The following MYZAP variants were observed in gnomAD, a reference collection of about 807,000 sequenced individuals.
MYZAP encodes the protein myocardial zonula adherens protein, also known as GRINL1A complex locus upstream.
Under a neutral mutation model 69.4 loss-of-function variants are expected in MYZAP, and 66 were observed. The ratio of observed to expected loss-of-function variants is 0.95; its 90% confidence interval spans 0.78 to 1.17. The LOEUF (loss-of-function observed/expected upper bound fraction) is 1.17, where lower values mean the gene tolerates loss of function less well. Ranked by LOEUF, MYZAP falls within the 50% of genes most tolerant of loss-of-function variation. The pLI is 0.00. For synonymous variants in MYZAP, 256 were observed against 205.9 expected (o/e 1.24, Z -2.09); for missense variants, 611 against 556.2 (o/e 1.10, Z -0.99).
At chr15:57,593,214 A>ACACACACACACACCCCCCCC (rs1172761785) in intron 1 of MYZAP, among the ~76,000 whole-genome samples, 6 of 141,346 alleles carry the variant, frequency 4.2e-5, no homozygotes, top group African/African-American at 1.7e-4. Flanking sequence ...ACACACACAC[A>ACACACACACACACCCCCCCC]CCCCAGAATC....
intron 10 of MYZAP, chr15:57,647,706 C>T: frequency 2.0e-6 from 2 of 985,360 alleles, no homozygotes; most frequent in Non-Finnish European, 2.4e-6. Context: ...GAGAGTGCCT[C>T]CTAAGTGGAT....
intron 2 of MYZAP, among the ~76,000 whole-genome samples, chr15:57,605,099 C>T (rs1249934804): frequency 1.3e-5 from 2 of 152,126 alleles, no homozygotes; most frequent in African/African-American, 2.4e-5. Context: ...CTGGCCGACC[C>T]ATTTTACTCA....
chr15:57,639,349 C>T (rs1448943389), intron 9 of MYZAP, 91 bp from the exon 10 acceptor site: 2 of 1,392,552 alleles, frequency 1.4e-6, no homozygotes, highest in Non-Finnish European at 2.0e-6. Flanking sequence ...GCTTGGCGCT[C>T]TTGGCAATAT....
chr15:57,641,481 A>G (rs188842266), intron 10 of MYZAP, among the ~76,000 whole-genome samples: 1 of 152,138 alleles, frequency 6.6e-6, no homozygotes, highest in Non-Finnish European at 1.5e-5. Flanking sequence ...GCTTTTTTCT[A>G]CCTGTGATTT....
chr15:57,617,701 T>C (rs1206835301), intron 2 of MYZAP, among the ~76,000 whole-genome samples: 2 of 152,206 alleles, frequency 1.3e-5, no homozygotes, highest in African/African-American at 4.8e-5. Context: ...GACAGCATTA[T>C]TAAGAGCATG....
At chr15:57,661,632 C>G in intron 11 of MYZAP, 99 bp downstream of exon 11, 2 of 1,070,254 alleles carry the variant, frequency 1.9e-6, no homozygotes, top group East Asian at 2.8e-5. Flanking sequence ...TGGCTATTTC[C>G]CGGCCTTATA....
chr15:57,607,151 G>A (rs2034805333), intron 2 of MYZAP, among the ~76,000 whole-genome samples: 1 of 152,220 alleles, frequency 6.6e-6, no homozygotes. Context: ...TGGAGTGAGG[G>A]ACAGGACAAG....
intron 2 of MYZAP, among the ~76,000 whole-genome samples, chr15:57,616,682 A>G (rs950100828): frequency 5.1e-4 from 77 of 151,614 alleles, no homozygotes; most frequent in African/African-American, 1.8e-3. Flanking sequence ...GGTGGTATAC[A>G]CTTGTAATTC....
At chr15:57,646,004 A>G (rs1359648441) in intron 10 of MYZAP, 1 of 398,386 alleles carries the variant, frequency 2.5e-6, no homozygotes, top group Non-Finnish European at 4.6e-6. Flanking sequence ...ACGAAAGTAC[A>G]TTTTACTAAA....
intron 11 of MYZAP, among the ~76,000 whole-genome samples, chr15:57,669,028 C>T (rs192658303): frequency 6.6e-6 from 1 of 151,848 alleles, no homozygotes; most frequent in African/African-American, 2.4e-5. Context: ...GTAGCTGGCA[C>T]TGCAGGTGCA....
intron 5 of MYZAP, among the ~76,000 whole-genome samples, chr15:57,627,261 C>T (rs1238240179): frequency 6.6e-6 from 1 of 151,974 alleles, no homozygotes; most frequent in East Asian, 1.9e-4. Context: ...AGCTCTGACC[C>T]AGGCACCTTG....
chr15:57,628,898 T>C (rs2036318215), intron 5 of MYZAP, among the ~76,000 whole-genome samples: 1 of 151,694 alleles, frequency 6.6e-6, no homozygotes, highest in Non-Finnish European at 1.5e-5. Flanking sequence ...GCCTGGCCAA[T>C]ACGGTGAAAC....
At position 57,605,893 on chromosome 15, in the gene MYZAP, A is replaced by G. The variant is rs558940004; in HGVS notation, c.162+1538A>G. The stretch of plus-strand genomic sequence containing the variant: ...CAAAATGGGAACAGCTGGAGCATCA[A>G]AAAGAATAATGACAGTCATGGCTTA... On this transcript the variant is annotated intron_variant, in intron 2 of 12. Transcript: ENST00000267853. 1.0e-3 allele frequency among the ~76,000 whole-genome samples: 153 copies of G among 152,288 alleles called. 1 individual carries two copies. Among genetic ancestry groups the G allele is most frequent in the African/African-American group, 3.6e-3 (150 of 41,552 alleles).
At chr15:57,634,062 C>T (rs1171449532) in intron 8 of MYZAP, among the ~76,000 whole-genome samples, 17 of 152,174 alleles carry the variant, frequency 1.1e-4, no homozygotes, top group Admixed American at 1.0e-3. Flanking sequence ...TTAGGTGTTA[C>T]ATCAACACAG....
intron 8 of MYZAP, 59 bp downstream of exon 8, chr15:57,633,800 C>T (rs1490655375): frequency 7.1e-7 from 1 of 1,411,376 alleles, no homozygotes; most frequent in African/African-American, 1.5e-5. Flanking sequence ...GTAGGTCCAT[C>T]TGAGATACGA....
chr15:57,647,764 A>G, intron 10 of MYZAP: 1 of 985,374 alleles, frequency 1.0e-6, no homozygotes, highest in Non-Finnish European at 1.2e-6. Context: ...TCCTAGGCTC[A>G]TTGTTGATCT....
intron 5 of MYZAP, among the ~76,000 whole-genome samples, chr15:57,626,474 G>A (rs2036142874): frequency 6.6e-6 from 1 of 152,178 alleles, no homozygotes; most frequent in Non-Finnish European, 1.5e-5. Flanking sequence ...TTTCTTGGTT[G>A]ATTTGGTTTA....
At position 57,621,675 on chromosome 15, in the gene MYZAP, T is replaced by C. The variant is rs1395425730; in HGVS notation, c.386T>C (p.Ile129Thr). 2 of 1,613,834 alleles carry C rather than the reference T, an allele frequency of 1.2e-6. No individual in the cohort carries two copies. Among genetic ancestry groups the C allele is most frequent in the Non-Finnish European group, 8.5e-7 (1 of 1,179,888 alleles). ...GACTATGATGAGATGAGACAGAAGA[T>C]TCGACAGCTCACCCAGGAACTATCA... ...YGDYDEMRQK[I>T]RQLTQELSVS... The change falls in exon 4 of 13, where the codon ATT (isoleucine) becomes ACT (threonine). Residue 129 changes from isoleucine to threonine, a missense_variant. Coordinates refer to ENST00000267853, the MANE Select transcript of MYZAP (RefSeq NM_001018100.5).
At chr15:57,628,406 GC>G (rs1555458878) in intron 5 of MYZAP, among the ~76,000 whole-genome samples, 5 of 151,932 alleles carry the variant, frequency 3.3e-5, no homozygotes, top group Non-Finnish European at 5.9e-5. Context: ...GGTAGCTGGG[GC>G]TACAGGTACA....
Sources: gnomAD v4.1 joint callset for allele counts (sites outside exome capture counted in the v4.1 genomes callset) on GRCh38, gnomAD v4.1.1 for gene constraint, MANE v1.5 for transcripts, NCBI Gene and HGNC (gene_info 2026-07-23, HGNC 2026-07-21) for gene names.